PHF20L1: variants seen among roughly 807,000 people sequenced by gnomAD.
PHF20L1 encodes the protein PHD finger protein 20-like protein 1.
In PHF20L1, 44 loss-of-function variants were observed where a neutral mutation model predicts 125.5. That is an observed-to-expected ratio of 0.35 (90% confidence interval 0.28 to 0.45). The LOEUF (loss-of-function observed/expected upper bound fraction) is 0.45, where lower values mean the gene tolerates loss of function less well. PHF20L1 is among the 20% of genes least tolerant of loss of function. PHF20L1 has a pLI of 1.00. For missense variants in PHF20L1, 1,012 were observed against 1,217.2 expected (o/e 0.83, Z 2.51); for synonymous variants, 380 against 403.1 (o/e 0.94, Z 0.69).
intron 8 of PHF20L1, chr8:132,810,699 A>G (rs746410642): frequency 4.9e-5 from 9 of 184,592 alleles, no homozygotes; most frequent in Non-Finnish European, 9.1e-5. Context: ...GTATAGACAA[A>G]ACCTGTATTA....
In PHF20L1 at chr8:132,823,984, A is replaced by AT. The variant is rs1309215919; in HGVS notation, c.1580-15dup. On this transcript the variant is annotated intron_variant, in intron 12 of 20. Coordinates refer to ENST00000395386, the MANE Select transcript of PHF20L1 (RefSeq NM_016018.5). ...TAAGTTTTTCTGATTAAACTTACAT[A>AT]TTTTTCCCCTAACCCACAGGAATAT... 3 of 1,496,848 alleles carry AT rather than the reference A, an allele frequency of 2.0e-6. No individual in the cohort carries two copies. The highest frequency in any genetic ancestry group is 1.2e-5 in the South Asian group (1 of 85,084). 92.7% of individuals were successfully genotyped at this position (1,496,848 alleles called of 1,614,324 possible). A position where few individuals can be genotyped will look rare whatever the true frequency, so the allele number is the denominator to read the frequency against.
intron 2 of PHF20L1, among the ~76,000 whole-genome samples, chr8:132,779,830 A>G (rs1321792828): frequency 6.6e-6 from 1 of 152,186 alleles, no homozygotes; most frequent in Admixed American, 6.5e-5. Context: ...AATACTTGGA[A>G]TTTCAGAGAA....
At position 132,825,367 on chromosome 8, in the gene PHF20L1, A is replaced by C. The variant is rs754684900; in HGVS notation, c.1740A>C (p.Gln580His). The change falls in exon 14 of 21, where the codon CAA (glutamine) becomes CAC (histidine). Residue 580 changes from glutamine to histidine, a missense_variant. Gln to His is a conservative substitution (Grantham distance 24, BLOSUM62 0). This residue lies in a region of PHF20L1 where 320 missense variants were observed against 293.8 expected (regional missense o/e 1.09). Transcript: ENST00000395386. Reference sequence around the variant, plus strand: ...AAAAAAAGAAAAAGAAATCTAAGCAACATGGTAAGTACACTGAGATGATTA... The same window carrying C: ...AAAAAAAGAAAAAGAAATCTAAGCACCATGGTAAGTACACTGAGATGATTA... ...KKKKKKKKSK[Q>H]HDYSDYEDSS... 6.7e-7 allele frequency: 1 copy of C among 1,499,006 alleles called. No individual in the cohort carries two copies. The highest frequency in any genetic ancestry group is 1.4e-5 in the African/African-American group (1 of 70,346). The allele number at this position is 1,499,006 out of a possible 1,614,324, so 92.9% of individuals were successfully genotyped here. A position where few individuals can be genotyped will look rare whatever the true frequency, so the allele number is the denominator to read the frequency against.
chr8:132,838,163 T>C (rs968816974), intron 17 of PHF20L1: 2 of 195,438 alleles, frequency 1.0e-5, no homozygotes, highest in Non-Finnish European at 2.2e-5. Context: ...ATTTTCCACA[T>C]TGATTACTTA....
Position 132,794,447 on chromosome 8 carries a change from G to C in PHF20L1, c.121G>C (p.Gly41Arg). ...AATTGAAAAAATTGACTATGAGGAG[G>C]GCAAGATGTTGGTCCATTTTGAGCG... ...SRIEKIDYEEGKMLVHFERWS... is the reference protein window; with the variant it reads ...SRIEKIDYEERKMLVHFERWS... Residue 41 changes from glycine to arginine, a missense_variant, in exon 3 of 21, where the codon GGC (glycine) becomes CGC (arginine). Gly to Arg is a moderately radical substitution (Grantham distance 125, BLOSUM62 -2). Around this residue, in one of 7 missense-constraint regions of PHF20L1, gnomAD observed 94 missense variants for 179.5 expected, o/e 0.52. Coordinates refer to ENST00000395386, the MANE Select transcript of PHF20L1 (RefSeq NM_016018.5). 1 of 1,611,446 alleles carries C rather than the reference G, an allele frequency of 6.2e-7. No individual in the cohort carries two copies. Among genetic ancestry groups the C allele is most frequent in the Admixed American group, 1.7e-5 (1 of 59,816 alleles).
intron 12 of PHF20L1, chr8:132,818,832 A>G (rs1187428818): frequency 6.6e-6 from 1 of 151,890 alleles, no homozygotes; most frequent in Non-Finnish European, 1.5e-5. Flanking sequence ...AATATATGAA[A>G]AATATGTTAA....
chr8:132,807,386 C>T (rs191649766), intron 8 of PHF20L1: 1 of 163,162 alleles, frequency 6.1e-6, no homozygotes, highest in Non-Finnish European at 1.3e-5. Context: ...CTTTAAACTA[C>T]AGAATGTCAA....
chr8:132,825,919 G>T (rs1009842282), intron 14 of PHF20L1, among the ~76,000 whole-genome samples: 14 of 151,948 alleles, frequency 9.2e-5, no homozygotes, highest in Admixed American at 9.2e-4. Flanking sequence ...CCCTGATTTT[G>T]GACTTCCAGC....
rs79375398 is a variant in PHF20L1, at chr8:132,783,227, A to G, written c.83+5316A>G. Reference sequence around the variant, plus strand: ...TTAATTCTCTTCTAAATCTAAAGAAAAGGAAAATGAAAGATTAAAAAATGT... The same window carrying G: ...TTAATTCTCTTCTAAATCTAAAGAAGAGGAAAATGAAAGATTAAAAAATGT... On this transcript the variant is annotated intron_variant, in intron 2 of 20. Transcript: ENST00000395386. Among the ~76,000 whole-genome samples the G allele has an allele frequency of 3.0e-4, 45 of 152,314 alleles. 1 individual carries two copies. Among genetic ancestry groups the G allele is most frequent in the African/African-American group, 1.1e-3 (44 of 41,584 alleles).
rs139980874 is a variant in PHF20L1, at chr8:132,786,846, A to T, written c.84-7564A>T. Among the ~76,000 whole-genome samples, 555 of 152,294 alleles carry T rather than the reference A, an allele frequency of 3.6e-3. 1 individual carries two copies. Among genetic ancestry groups the T allele is most frequent in the Middle Eastern group, 6.8e-3 (2 of 294 alleles). ...AACATTAGTTTTAATCATAACAATA[A>T]CATGAACATTCGTTATTTTAAGAAG... On this transcript the variant is annotated intron_variant, in intron 2 of 20. Coordinates refer to ENST00000395386, the MANE Select transcript of PHF20L1 (RefSeq NM_016018.5).
At chr8:132,775,726 C>G (rs35766765) in intron 1 of PHF20L1, 81 bp downstream of exon 1, 31,635 of 298,650 alleles carry the variant, frequency 0.11, 2,526 homozygotes, top group East Asian at 0.37. Context: ...TGGTGTCTCT[C>G]TTTCCGGCCC....
At chr8:132,811,900 A>G in intron 9 of PHF20L1, 2 of 976,876 alleles carry the variant, frequency 2.0e-6, no homozygotes, top group Non-Finnish European at 2.4e-6. Context: ...ACTTTTCTTT[A>G]TTAGTAGCCT....
Position 132,786,715 on chromosome 8 carries a change from A to G in PHF20L1, c.84-7695A>G, listed in dbSNP as rs1831074651. Among the ~76,000 whole-genome samples the G allele has an allele frequency of 2.0e-5, 3 of 152,116 alleles. No individual in the cohort carries two copies. The South Asian group carries it at 6.2e-4, about 31-fold the overall frequency. ...AGTTACTGAATCTTTCAGAGCCTCC[A>G]TGACCTCCCTTTAAAAACTGGTAAC... is the stretch of plus-strand genomic sequence containing the variant. On this transcript the variant is annotated intron_variant, in intron 2 of 20. Coordinates refer to ENST00000395386, the MANE Select transcript of PHF20L1 (RefSeq NM_016018.5).
intron 9 of PHF20L1, among the ~76,000 whole-genome samples, chr8:132,813,792 A>C (rs372625896): frequency 6.6e-6 from 1 of 152,014 alleles, no homozygotes; most frequent in Admixed American, 6.6e-5. Context: ...ACATTCACAC[A>C]TATTTTAACA....
Position 132,844,297 on chromosome 8 carries a change from C to A in PHF20L1, c.2890C>A (p.Leu964Ile). Reference protein sequence around the residue: ...VQNEVTSRMDLIEKEVDVLES... With the variant: ...VQNEVTSRMDIIEKEVDVLES... ...GAACGAAGTTACCAGCAGGATGGAC[C>A]TAATAGAAAAAGAAGTCGATGGTAA... The change falls in exon 20 of 21, where the codon CTA becomes ATA. Residue 964 changes from leucine to isoleucine, a missense_variant. Transcript: ENST00000395386. The A allele has an allele frequency of 6.2e-7, 1 of 1,606,964 alleles. No homozygotes were observed. Among genetic ancestry groups the A allele is most frequent in the Non-Finnish European group, 8.5e-7 (1 of 1,176,602 alleles).
chr8:132,826,437 G>A (rs189644053), intron 14 of PHF20L1: 3 of 152,138 alleles, frequency 2.0e-5, no homozygotes, highest in African/African-American at 7.2e-5. Context: ...AAATATGAGA[G>A]TGTTCACAGC....
chr8:132,832,213 CT>C, intron 14 of PHF20L1, 21 bp from the exon 15 acceptor site: 1 of 1,461,690 alleles, frequency 6.8e-7, no homozygotes, highest in Non-Finnish European at 9.6e-7. Context: ...ATTAATATTT[CT>C]TTCTGTATCT....
At chr8:132,800,569 A>T (rs534384171) in intron 6 of PHF20L1, among the ~76,000 whole-genome samples, 1 of 151,876 alleles carries the variant, frequency 6.6e-6, no homozygotes, top group Non-Finnish European at 1.5e-5. Flanking sequence ...GTTTAGAAAG[A>T]TAATTTTTAA....
At chr8:132,812,087 A>G in intron 9 of PHF20L1, 1 of 980,650 alleles carries the variant, frequency 1.0e-6, no homozygotes, top group South Asian at 4.7e-5. Flanking sequence ...TTTTAAATTG[A>G]TTAATATGTC....
Sources: gnomAD v4.1 joint callset for allele counts (sites outside exome capture counted in the v4.1 genomes callset) on GRCh38, gnomAD v4.1.1 for gene constraint, gnomAD v4.1.1 regional missense constraint, MANE v1.5 for transcripts, NCBI Gene and HGNC (gene_info 2026-07-23, HGNC 2026-07-21) for gene names.